GAB1: variants seen among roughly 807,000 people sequenced by gnomAD.
GAB1 encodes the protein GRB2 associated binding protein 1.
Under a neutral mutation model 66.5 loss-of-function variants are expected in GAB1, and 19 were observed. The observed-to-expected ratio is 0.29, with a 90% confidence interval of 0.20 to 0.42. The LOEUF (loss-of-function observed/expected upper bound fraction) is 0.42, where lower values mean the gene tolerates loss of function less well. Among genes scored for constraint, GAB1 ranks in the 10% least tolerant of loss-of-function variants. The pLI is 1.00. For synonymous variants in GAB1, 294 were observed against 301.4 expected, an observed-to-expected ratio of 0.98 and a Z score of 0.25; for missense variants, 732 against 858.5, an observed-to-expected ratio of 0.85 and a Z score of 1.84.
intron 6 of GAB1, among the ~76,000 whole-genome samples, chr4:143,453,453 G>A (rs575819436): frequency 2.4e-4 from 37 of 152,172 alleles, no homozygotes; most frequent in Middle Eastern, 6.8e-3. Context: ...TGGCTCATAC[G>A]AGTCTCCTTG....
intron 2 of GAB1, among the ~76,000 whole-genome samples, chr4:143,423,862 A>T (rs1433430879): frequency 4.8e-5 from 6 of 124,596 alleles, no homozygotes; most frequent in South Asian, 2.9e-4. Flanking sequence ...TGAAAAGGAT[A>T]TTTTTTTTTT....
chr4:143,455,607 C>T (rs1735144617), intron 6 of GAB1, among the ~76,000 whole-genome samples: 1 of 152,180 alleles, frequency 6.6e-6, no homozygotes, highest in African/African-American at 2.4e-5. Flanking sequence ...GTTCTAAGAG[C>T]ATTTTGTAAT....
At chr4:143,415,400 C>A in intron 1 of GAB1, 77 bp from the exon 2 acceptor site, 2 of 1,116,458 alleles carry the variant, frequency 1.8e-6, no homozygotes, top group Admixed American at 2.5e-5. Context: ...TTTGTAAAAT[C>A]AGTTTGATAA....
chr4:143,391,316 G>A (rs1040497746), intron 1 of GAB1: 10 of 152,148 alleles, frequency 6.6e-5, no homozygotes, highest in African/African-American at 2.4e-4. Context: ...AGTCTTTTAA[G>A]TATTGAACTT....
Position 143,423,347 on chromosome 4 carries a change from A to G in GAB1, c.367+7576A>G, listed in dbSNP as rs140972858. On this transcript the variant is annotated intron_variant, in intron 2 of 9. Transcript: ENST00000262994. Reference sequence around the variant, plus strand: ...TTAATGGCTGTTTAAAGGTCTTTTCATGATCTTGCTAGCAAACATAATGAA... The same window carrying G: ...TTAATGGCTGTTTAAAGGTCTTTTCGTGATCTTGCTAGCAAACATAATGAA... Among the ~76,000 whole-genome samples the G allele has an allele frequency of 2.1e-3, 319 of 152,236 alleles. 1 individual carries two copies. Among genetic ancestry groups the G allele is most frequent in the African/African-American group, 7.3e-3 (303 of 41,548 alleles).
At chr4:143,457,706 A>C (rs1735266636) in intron 6 of GAB1, 1 of 1,564,476 alleles carries the variant, frequency 6.4e-7, no homozygotes, top group South Asian at 1.2e-5. Context: ...TTTAAGACTC[A>C]AACCCCATGG....
At chr4:143,450,211 A>G (rs923077501) in intron 6 of GAB1, among the ~76,000 whole-genome samples, 2 of 152,152 alleles carry the variant, frequency 1.3e-5, no homozygotes, top group Non-Finnish European at 2.9e-5. Context: ...TCTTTATACC[A>G]TGAGACCATT....
chr4:143,425,800 AG>A, intron 2 of GAB1: 1 of 799,172 alleles, frequency 1.3e-6, no homozygotes, highest in East Asian at 2.4e-5. Flanking sequence ...GAAGGCATGC[AG>A]GTGCCTTCTG....
At chr4:143,353,052 C>G (rs1387261961) in intron 1 of GAB1, among the ~76,000 whole-genome samples, 3 of 152,116 alleles carry the variant, frequency 2.0e-5, no homozygotes, top group Non-Finnish European at 4.4e-5. Context: ...TTGTAGGTAT[C>G]TGTTTAAAAA....
At chr4:143,417,343 G>T in intron 2 of GAB1, 10 of 359,930 alleles carry the variant, frequency 2.8e-5, no homozygotes, top group Middle Eastern at 7.6e-4. Context: ...GGAAAGAGCT[G>T]AGTGACTAGA....
intron 1 of GAB1, among the ~76,000 whole-genome samples, chr4:143,396,731 G>A (rs1731473955): frequency 6.6e-6 from 1 of 152,150 alleles, no homozygotes; most frequent in South Asian, 2.1e-4. Flanking sequence ...GACTACTTAT[G>A]GTATTATGGG....
At chr4:143,423,732 C>T (rs1225432915) in intron 2 of GAB1, among the ~76,000 whole-genome samples, 2 of 141,110 alleles carry the variant, frequency 1.4e-5, no homozygotes, top group African/African-American at 5.2e-5. Flanking sequence ...AGCCAGATCG[C>T]GCCACTGCAC....
chr4:143,407,344 C>T (rs986224633), intron 1 of GAB1, among the ~76,000 whole-genome samples: 3 of 151,308 alleles, frequency 2.0e-5, no homozygotes, highest in Admixed American at 6.6e-5. Context: ...GCAGTAATTT[C>T]AACAAGTAAA....
At chr4:143,343,961 G>C (rs565792542) in intron 1 of GAB1, among the ~76,000 whole-genome samples, 18 of 152,292 alleles carry the variant, frequency 1.2e-4, no homozygotes, top group African/African-American at 4.1e-4. Context: ...CTGAGCACAA[G>C]TGAATTTTCT....
intron 1 of GAB1, among the ~76,000 whole-genome samples, chr4:143,402,084 C>A (rs1396688070): frequency 2.0e-5 from 3 of 151,604 alleles, no homozygotes; most frequent in Non-Finnish European, 4.4e-5. Context: ...TTAACAGCTG[C>A]TAGAATTTTA....
intron 1 of GAB1, among the ~76,000 whole-genome samples, chr4:143,400,941 C>T (rs1007283829): frequency 3.1e-4 from 46 of 150,630 alleles, no homozygotes; most frequent in Admixed American, 1.3e-4. Flanking sequence ...TGTACTCCAG[C>T]CTGGACAACA....
rs142475225 is a variant in GAB1, at chr4:143,386,606, T to G, written c.73-28871T>G. On this transcript the variant is annotated intron_variant, in intron 1 of 9. Transcript: ENST00000262994. The stretch of plus-strand genomic sequence containing the variant: ...TCTTGCTACATTGCCCAGGCTAGTT[T>G]CAAACTTCTGGGCTCAAGCAATCCA... 1.9e-3 allele frequency among the ~76,000 whole-genome samples: 290 copies of G among 152,312 alleles called. 1 individual carries two copies. Among genetic ancestry groups the G allele is most frequent in the Non-Finnish European group, 3.4e-3 (232 of 68,026 alleles).
chr4:143,378,846 C>G (rs894755693), intron 1 of GAB1, among the ~76,000 whole-genome samples: 1 of 152,138 alleles, frequency 6.6e-6, no homozygotes, highest in East Asian at 1.9e-4. Context: ...TGCAGCTGAC[C>G]CTTTGTATCT....
chr4:143,370,155 G>A (rs1444582073), intron 1 of GAB1, among the ~76,000 whole-genome samples: 1 of 152,190 alleles, frequency 6.6e-6, no homozygotes, highest in East Asian at 1.9e-4. Context: ...GGTATAGTAA[G>A]AATATACAAG....
Sources: gnomAD v4.1 joint callset for allele counts (sites outside exome capture counted in the v4.1 genomes callset) on GRCh38, gnomAD v4.1.1 for gene constraint, MANE v1.5 for transcripts, NCBI Gene and HGNC (gene_info 2026-07-23, HGNC 2026-07-21) for gene names.